Variants in SLIT1 observed in about 807,000 individuals in gnomAD.
SLIT1 encodes the protein slit homolog 1 protein.
Under a neutral mutation model 186.1 loss-of-function variants are expected in SLIT1, and 66 were observed. The ratio of observed to expected loss-of-function variants is 0.35; its 90% CI spans 0.29 to 0.44. The LOEUF (loss-of-function observed/expected upper bound fraction) is 0.44. Ranked by LOEUF, SLIT1 falls within the 20% of genes least tolerant of loss-of-function variation. The pLI, the probability that SLIT1 is intolerant of heterozygous loss-of-function variation, is 1.00. For missense variants in SLIT1, 1,638 were observed against 2,037.4 expected, an observed-to-expected ratio of 0.80 and a Z score of 3.77; for synonymous variants, 761 against 833.8, an observed-to-expected ratio of 0.91 and a Z score of 1.50.
chr10:97,141,047 C>G (rs907773757), intron 4 of SLIT1, among the ~76,000 whole-genome samples: 1 of 152,172 alleles, frequency 6.6e-6, no homozygotes, highest in Non-Finnish European at 1.5e-5. Flanking sequence ...CTTCCCTACT[C>G]GCAAGTCCTC....
chr10:97,176,572 C>A (rs188760058), intron 1 of SLIT1, among the ~76,000 whole-genome samples: 8 of 152,300 alleles, frequency 5.3e-5, no homozygotes, highest in African/African-American at 1.9e-4. Flanking sequence ...CGGCCATCTG[C>A]CTCCTGCCTT....
chr10:97,157,751 C>T, intron 4 of SLIT1, 67 bp downstream of exon 4: 2 of 1,226,500 alleles, frequency 1.6e-6, no homozygotes, highest in East Asian at 2.3e-5. Context: ...TGACCAAACA[C>T]TGTGCCTCCC....
At chr10:97,062,619 G>A (rs1366483480) in intron 8 of SLIT1, among the ~76,000 whole-genome samples, 2 of 152,214 alleles carry the variant, frequency 1.3e-5, no homozygotes, top group Admixed American at 6.5e-5. Flanking sequence ...AAGAGGGAAG[G>A]GTGTGTCCAG....
intron 1 of SLIT1, among the ~76,000 whole-genome samples, chr10:97,172,064 C>T (rs1004953102): frequency 7.2e-4 from 109 of 150,980 alleles, no homozygotes; most frequent in African/African-American, 2.5e-3. Flanking sequence ...TTTTTTCGAG[C>T]CAGTGTCTTG....
At chr10:97,161,058 A>G (rs1850019018) in intron 3 of SLIT1, among the ~76,000 whole-genome samples, 1 of 152,152 alleles carries the variant, frequency 6.6e-6, no homozygotes, top group Non-Finnish European at 1.5e-5. Flanking sequence ...CTGCACTTTA[A>G]TCACCTTTTA....
intron 23 of SLIT1, 101 bp from the exon 24 acceptor site, chr10:97,031,778 T>TCC: frequency 1.1e-6 from 1 of 889,044 alleles, no homozygotes; most frequent in Non-Finnish European, 1.7e-6. Context: ...CCCAGCAGCC[T>TCC]CCTCGGGCTC....
intron 4 of SLIT1, among the ~76,000 whole-genome samples, chr10:97,119,122 T>C (rs944354389): frequency 9.2e-5 from 14 of 152,178 alleles, no homozygotes; most frequent in African/African-American, 3.4e-4. Context: ...GAAACGGGTG[T>C]CTGGCTAAAG....
intron 4 of SLIT1, among the ~76,000 whole-genome samples, chr10:97,097,311 A>G (rs561841686): frequency 2.6e-5 from 4 of 152,358 alleles, no homozygotes; most frequent in Admixed American, 1.3e-4. Context: ...GCAAGGTCAG[A>G]GTTCATGGGA....
chr10:97,152,761 T>A (rs1280108011), intron 4 of SLIT1, among the ~76,000 whole-genome samples: 2 of 152,240 alleles, frequency 1.3e-5, no homozygotes, highest in Non-Finnish European at 2.9e-5. Flanking sequence ...ACAATCCCTG[T>A]TGGCATTTTC....
chr10:97,162,032 T>C (rs1291960485), intron 3 of SLIT1, among the ~76,000 whole-genome samples: 1 of 152,084 alleles, frequency 6.6e-6, no homozygotes, highest in Non-Finnish European at 1.5e-5. Flanking sequence ...AATAATAAAC[T>C]TGTCATAAGA....
chr10:97,135,648 C>T (rs1239025814), intron 4 of SLIT1, among the ~76,000 whole-genome samples: 1 of 152,302 alleles, frequency 6.6e-6, no homozygotes, highest in Non-Finnish European at 1.5e-5. Context: ...ACAGCTCAGG[C>T]GCTCCCCAGC....
intron 2 of SLIT1, among the ~76,000 whole-genome samples, chr10:97,163,906 A>G (rs566193278): frequency 6.6e-6 from 1 of 152,216 alleles, no homozygotes; most frequent in African/African-American, 2.4e-5. Context: ...GGGACCGGCC[A>G]GTATCAGGGG....
At chr10:97,053,240 C>T (rs1189308712) in intron 13 of SLIT1, among the ~76,000 whole-genome samples, 3 of 152,158 alleles carry the variant, frequency 2.0e-5, no homozygotes, top group Admixed American at 6.5e-5. Flanking sequence ...TGTGAGTCCC[C>T]GGCCAGTAAA....
intron 1 of SLIT1, among the ~76,000 whole-genome samples, chr10:97,169,219 C>T (rs751741650): frequency 3.3e-5 from 5 of 152,210 alleles, no homozygotes; most frequent in South Asian, 4.1e-4. Flanking sequence ...CCCAGCCTGC[C>T]GCCATCAGCC....
chr10:97,134,034 C>T (rs1045387509), intron 4 of SLIT1, among the ~76,000 whole-genome samples: 13 of 152,180 alleles, frequency 8.5e-5, no homozygotes, highest in Admixed American at 7.2e-4. Context: ...TTTCCTAGGG[C>T]GCTATCAGGC....
intron 22 of SLIT1, 77 bp from the exon 23 acceptor site, chr10:97,034,619 C>T: frequency 7.7e-7 from 1 of 1,293,284 alleles, no homozygotes; most frequent in Non-Finnish European, 1.1e-6. Context: ...TCTTCCCCTC[C>T]CTCACTCTGC....
At chr10:97,071,834 CAG>C (rs1350092153) in intron 4 of SLIT1, among the ~76,000 whole-genome samples, 22 of 152,332 alleles carry the variant, frequency 1.4e-4, no homozygotes, top group African/African-American at 5.3e-4. Flanking sequence ...TTAAAAATGA[CAG>C]TGTAGCCTAA....
At chr10:97,176,855 T>C (rs1035586884) in intron 1 of SLIT1, among the ~76,000 whole-genome samples, 1 of 152,092 alleles carries the variant, frequency 6.6e-6, no homozygotes, top group Non-Finnish European at 1.5e-5. Flanking sequence ...TAGGAGTTCC[T>C]CCCGCCTCTC....
At chr10:97,054,820 A>G (rs1012932954) in intron 13 of SLIT1, among the ~76,000 whole-genome samples, 1 of 152,256 alleles carries the variant, frequency 6.6e-6, no homozygotes, top group African/African-American at 2.4e-5. Context: ...TGGAGAGGAC[A>G]CATAGATAAA....
Sources: gnomAD v4.1 joint callset for allele counts (sites outside exome capture counted in the v4.1 genomes callset) on GRCh38, gnomAD v4.1.1 for gene constraint, MANE v1.5 for transcripts, NCBI Gene and HGNC (gene_info 2026-07-23, HGNC 2026-07-21) for gene names.